NKAIN3: variants seen among roughly 807,000 people sequenced by gnomAD.
NKAIN3 encodes sodium/potassium transporting ATPase interacting 3.
Under a neutral mutation model 30.2 loss-of-function variants are expected in NKAIN3, and 25 were observed. The ratio of observed to expected loss-of-function variants is 0.83; its 90% CI spans 0.60 to 1.16. The LOEUF is 1.16. Ranked by LOEUF, NKAIN3 falls within the 50% of genes most tolerant of loss-of-function variation. The probability of loss-of-function intolerance (pLI) is 0.00; values close to 1 mark genes in which losing one functional copy is unlikely to be tolerated. For synonymous variants in NKAIN3, 91 were observed against 89.6 expected (o/e 1.02, Z -0.09); for missense variants, 225 against 254.1 (o/e 0.89, Z 0.78).
chr8:62,636,163 T>C (rs528827197), intron 3 of NKAIN3, among the ~76,000 whole-genome samples: 1 of 152,330 alleles, frequency 6.6e-6, no homozygotes, highest in African/African-American at 2.4e-5. Flanking sequence ...AGTTGAGAAT[T>C]GTACTTTGAG....
At chr8:62,451,322 C>T (rs1197024311) in intron 1 of NKAIN3, among the ~76,000 whole-genome samples, 1 of 131,588 alleles carries the variant, frequency 7.6e-6, no homozygotes, top group African/African-American at 2.8e-5. Flanking sequence ...CCCTCTCCTT[C>T]TCTCCCCTCC....
At chr8:62,918,872 G>A (rs957127294) in intron 5 of NKAIN3, among the ~76,000 whole-genome samples, 2 of 151,886 alleles carry the variant, frequency 1.3e-5, no homozygotes, top group Non-Finnish European at 2.9e-5. Flanking sequence ...GAATTTTGAA[G>A]TCTGAGTAAC....
At chr8:62,690,942 A>C (rs1369671014) in intron 3 of NKAIN3, among the ~76,000 whole-genome samples, 2 of 152,188 alleles carry the variant, frequency 1.3e-5, no homozygotes, top group Admixed American at 6.5e-5. Flanking sequence ...CTGATACTTT[A>C]GATCCTGAGC....
chr8:62,732,689 G>C (rs908078518), intron 3 of NKAIN3, among the ~76,000 whole-genome samples: 4 of 151,954 alleles, frequency 2.6e-5, no homozygotes, highest in African/African-American at 7.2e-5. Flanking sequence ...CCTATGTATT[G>C]ACACTAATGT....
chr8:62,951,750 A>G (rs1823290373), intron 5 of NKAIN3, among the ~76,000 whole-genome samples: 1 of 152,070 alleles, frequency 6.6e-6, no homozygotes, highest in South Asian at 2.1e-4. Flanking sequence ...GGCATAAGCC[A>G]CTGCACCTGG....
chr8:62,609,955 G>A lies in NKAIN3; in HGVS notation c.273+20161G>A, dbSNP rs552411480. Among the ~76,000 whole-genome samples the A allele has an allele frequency of 2.6e-5, 4 of 151,888 alleles. No individual in the cohort carries two copies. The South Asian group carries it at 6.3e-4, about 24-fold the overall frequency. ...AGTATAATGGAAACCCATTGGATGC[G>A]ACTGAGCATAGGGGACTGACGGGAT... is the stretch of plus-strand genomic sequence containing the variant. On this transcript the variant is annotated intron_variant, in intron 3 of 6. Coordinates refer to ENST00000623646, the MANE Select transcript of NKAIN3 (RefSeq NM_001304533.3).
At chr8:62,311,438 G>A (rs537121285) in intron 1 of NKAIN3, among the ~76,000 whole-genome samples, 1 of 150,576 alleles carries the variant, frequency 6.6e-6, no homozygotes, top group South Asian at 2.1e-4. Flanking sequence ...ACGGATTTAA[G>A]TAGTTTGACT....
chr8:62,700,449 C>G (rs1814296520), intron 3 of NKAIN3, among the ~76,000 whole-genome samples: 1 of 152,180 alleles, frequency 6.6e-6, no homozygotes, highest in Non-Finnish European at 1.5e-5. Flanking sequence ...CCAGAATTGC[C>G]TCAGGATAAT....
At chr8:62,932,318 T>C (rs1822647344) in intron 5 of NKAIN3, among the ~76,000 whole-genome samples, 1 of 152,222 alleles carries the variant, frequency 6.6e-6, no homozygotes, top group Non-Finnish European at 1.5e-5. Flanking sequence ...AGATCTTACA[T>C]TCTAATAAGG....
chr8:62,608,886 A>G (rs147295600), intron 3 of NKAIN3, among the ~76,000 whole-genome samples: 1 of 152,174 alleles, frequency 6.6e-6, no homozygotes. Flanking sequence ...ATGTCCAATG[A>G]TTTAGAAATA....
At chr8:62,829,113 T>C (rs566425800) in intron 4 of NKAIN3, among the ~76,000 whole-genome samples, 36 of 152,334 alleles carry the variant, frequency 2.4e-4, no homozygotes, top group South Asian at 6.2e-4. Flanking sequence ...GTTTGTTATA[T>C]AGTAATAGAT....
chr8:62,614,944 T>C (rs2130199697), intron 3 of NKAIN3, among the ~76,000 whole-genome samples: 1 of 152,218 alleles, frequency 6.6e-6, no homozygotes, highest in South Asian at 2.1e-4. Context: ...TATTTAGGAG[T>C]CAATTCCTGG....
intron 1 of NKAIN3, among the ~76,000 whole-genome samples, chr8:62,323,431 A>G (rs935297674): frequency 1.3e-5 from 2 of 152,252 alleles, no homozygotes; most frequent in African/African-American, 4.8e-5. Flanking sequence ...GGTGGATTAC[A>G]TAAGTTATTT....
intron 1 of NKAIN3, among the ~76,000 whole-genome samples, chr8:62,372,935 A>G (rs1019722276): frequency 2.0e-5 from 3 of 152,170 alleles, no homozygotes; most frequent in South Asian, 2.1e-4. Flanking sequence ...AAAAGAAAGA[A>G]CATTCTTACA....
intron 3 of NKAIN3, among the ~76,000 whole-genome samples, chr8:62,706,490 T>C (rs1220253980): frequency 6.6e-6 from 1 of 152,066 alleles, no homozygotes; most frequent in Non-Finnish European, 1.5e-5. Context: ...TCCCTACCCT[T>C]CCCTACTGAT....
intron 4 of NKAIN3, among the ~76,000 whole-genome samples, chr8:62,895,246 C>T (rs1821396784): frequency 6.6e-6 from 1 of 152,192 alleles, no homozygotes; most frequent in African/African-American, 2.4e-5. Context: ...CCTCCACATT[C>T]ATTAGATTTC....
intron 1 of NKAIN3, among the ~76,000 whole-genome samples, chr8:62,499,656 A>T (rs1240843600): frequency 6.6e-6 from 1 of 152,156 alleles, no homozygotes; most frequent in Admixed American, 6.6e-5. Context: ...TGCTTTAATT[A>T]AGGTTAGTTA....
intron 1 of NKAIN3, among the ~76,000 whole-genome samples, chr8:62,334,912 A>C (rs1180345648): frequency 6.6e-6 from 1 of 152,078 alleles, no homozygotes; most frequent in Non-Finnish European, 1.5e-5. Flanking sequence ...GTATATCTTA[A>C]ATGACAGTTC....
At chr8:62,867,604 T>G (rs1407529056) in intron 4 of NKAIN3, among the ~76,000 whole-genome samples, 2 of 152,188 alleles carry the variant, frequency 1.3e-5, no homozygotes, top group Non-Finnish European at 2.9e-5. Flanking sequence ...CCATGACTGC[T>G]CTCTTCTCAG....
Sources: gnomAD v4.1 joint callset for allele counts (sites outside exome capture counted in the v4.1 genomes callset) on GRCh38, gnomAD v4.1.1 for gene constraint, MANE v1.5 for transcripts, NCBI Gene and HGNC (gene_info 2026-07-23, HGNC 2026-07-21) for gene names.